The following SLC39A11 variants were observed in gnomAD, a reference collection of about 807,000 sequenced individuals.
SLC39A11 encodes the protein zinc transporter ZIP11.
SLC39A11 carries 33 observed loss-of-function variants against 36.1 expected under a neutral mutation model. That is an observed-to-expected ratio of 0.91 (90% CI 0.69 to 1.22). The LOEUF (loss-of-function observed/expected upper bound fraction) is 1.22. Among genes scored for constraint, SLC39A11 ranks in the 50% most tolerant of loss-of-function variants. The probability of loss-of-function intolerance (pLI) is 0.00; values close to 1 mark genes in which losing one functional copy is unlikely to be tolerated. For missense variants in SLC39A11, 432 were observed against 430.3 expected (o/e 1.00, Z -0.03); for synonymous variants, 166 against 170.3 (o/e 0.97, Z 0.20).
chr17:72,648,874 G>T lies in SLC39A11; in HGVS notation c.858C>A (p.Tyr286Ter), dbSNP rs36041371. 6.8e-6 allele frequency: 11 copies of T among 1,614,148 alleles called. No homozygotes were observed. Among genetic ancestry groups the T allele is most frequent in the Admixed American group, 1.7e-5 (1 of 60,026 alleles). The change falls in exon 9 of 10, where the codon TAC becomes TAA. Residue 286 changes from tyrosine to a stop codon, truncating the protein, a stop_gained. Coordinates refer to ENST00000255559, the MANE Select transcript of SLC39A11 (RefSeq NM_139177.4). LOFTEE classifies it high-confidence loss of function. Reference sequence around the variant, plus strand: ...TGGCACCGGCAGCAAAGGCCAGAGCGTAGGGCAGGATGGGCTCAGCCAGCA... The same window carrying T: ...TGGCACCGGCAGCAAAGGCCAGAGCTTAGGGCAGGATGGGCTCAGCCAGCA... ...AVVLAEPILP[Y>*]ALAFAAGAMV...
chr17:72,876,359 A>G (rs1171562161), intron 5 of SLC39A11, among the ~76,000 whole-genome samples: 1 of 152,276 alleles, frequency 6.6e-6, no homozygotes, highest in South Asian at 2.1e-4. Context: ...CCAAGGAAGC[A>G]TGTTGTTAAG....
chr17:72,694,035 C>T (rs2072168365), intron 7 of SLC39A11, among the ~76,000 whole-genome samples: 1 of 152,128 alleles, frequency 6.6e-6, no homozygotes, highest in African/African-American at 2.4e-5. Flanking sequence ...TCTCCTTGCT[C>T]AGTCTGGGGC....
intron 7 of SLC39A11, among the ~76,000 whole-genome samples, chr17:72,708,837 T>C (rs2072996664): frequency 6.6e-6 from 1 of 152,254 alleles, no homozygotes; most frequent in Admixed American, 6.5e-5. Flanking sequence ...CACTTCCTTT[T>C]CACTTTTGCT....
chr17:72,863,305 T>C (rs186259067), intron 5 of SLC39A11, among the ~76,000 whole-genome samples: 2 of 152,220 alleles, frequency 1.3e-5, no homozygotes, highest in African/African-American at 4.8e-5. Context: ...GGATGACAGA[T>C]TCCATAATCT....
intron 5 of SLC39A11, among the ~76,000 whole-genome samples, chr17:72,903,271 GA>G (rs11450652): frequency 3.7e-4 from 42 of 113,326 alleles, no homozygotes; most frequent in East Asian, 9.9e-4. Flanking sequence ...GTCTCGAAAA[GA>G]AAAAAAAAAA....
intron 6 of SLC39A11, among the ~76,000 whole-genome samples, chr17:72,788,178 C>G (rs1481325957): frequency 6.6e-6 from 1 of 152,228 alleles, no homozygotes; most frequent in Non-Finnish European, 1.5e-5. Context: ...CCTTTCCCCA[C>G]TGGTTAGGCC....
At chr17:72,791,204 C>T (rs2145071006) in intron 6 of SLC39A11, among the ~76,000 whole-genome samples, 1 of 152,284 alleles carries the variant, frequency 6.6e-6, no homozygotes, top group African/African-American at 2.4e-5. Context: ...CCTGGATTCC[C>T]AACACTTCGG....
At chr17:72,711,087 C>T (rs764607451) in intron 7 of SLC39A11, among the ~76,000 whole-genome samples, 2 of 152,182 alleles carry the variant, frequency 1.3e-5, no homozygotes, top group African/African-American at 2.4e-5. Flanking sequence ...ACCTTTGCAG[C>T]CTCTCCCTTT....
chr17:72,898,916 G>C (rs572993267), intron 5 of SLC39A11, among the ~76,000 whole-genome samples: 1 of 152,324 alleles, frequency 6.6e-6, no homozygotes, highest in Non-Finnish European at 1.5e-5. Flanking sequence ...TCTTGCTGGA[G>C]CAGGAGGAGA....
chr17:72,805,397 G>A (rs1217217705), intron 6 of SLC39A11, among the ~76,000 whole-genome samples: 5 of 152,212 alleles, frequency 3.3e-5, no homozygotes, highest in Non-Finnish European at 7.3e-5. Context: ...GGCTAAGCAT[G>A]AGGGAGATTG....
chr17:72,929,737 G>A (rs550575088), intron 5 of SLC39A11, among the ~76,000 whole-genome samples: 3 of 152,162 alleles, frequency 2.0e-5, no homozygotes, highest in East Asian at 3.9e-4. Context: ...GTTGTGCCCC[G>A]GGGGTCTTGC....
At chr17:73,078,767 G>T (rs1599180699) in intron 3 of SLC39A11, among the ~76,000 whole-genome samples, 1 of 152,084 alleles carries the variant, frequency 6.6e-6, no homozygotes. Context: ...AAAGTGCTGG[G>T]ATTAGCAGGT....
At chr17:72,994,252 T>A (rs2089361659) in intron 4 of SLC39A11, among the ~76,000 whole-genome samples, 1 of 152,194 alleles carries the variant, frequency 6.6e-6, no homozygotes. Flanking sequence ...CAAAAGGAAT[T>A]AACAAGAGCT....
At chr17:72,651,833 C>A (rs569923973) in intron 7 of SLC39A11, among the ~76,000 whole-genome samples, 1 of 152,108 alleles carries the variant, frequency 6.6e-6, no homozygotes, top group Non-Finnish European at 1.5e-5. Flanking sequence ...AGTGGACAGA[C>A]AAGAAGACAC....
intron 7 of SLC39A11, among the ~76,000 whole-genome samples, chr17:72,717,706 A>G (rs2073466143): frequency 6.6e-6 from 1 of 152,184 alleles, no homozygotes; most frequent in African/African-American, 2.4e-5. Context: ...CCGCCAAATA[A>G]GGTTACAGTC....
chr17:72,698,150 G>A (rs982955009), intron 7 of SLC39A11, among the ~76,000 whole-genome samples: 1 of 152,096 alleles, frequency 6.6e-6, no homozygotes, highest in African/African-American at 2.4e-5. Context: ...GTGTCTCCAC[G>A]TCTACTTTTA....
At chr17:72,662,407 G>C (rs550067243) in intron 7 of SLC39A11, among the ~76,000 whole-genome samples, 3 of 104,204 alleles carry the variant, frequency 2.9e-5, no homozygotes, top group East Asian at 5.3e-4. Flanking sequence ...AAGGAGGGAA[G>C]AAAGAAAAAG....
chr17:72,702,050 G>A (rs536343281), intron 7 of SLC39A11, among the ~76,000 whole-genome samples: 2 of 46,574 alleles, frequency 4.3e-5, no homozygotes, highest in South Asian at 1.2e-3. Flanking sequence ...AGGCTGCAGT[G>A]AGCTGTGATC....
intron 6 of SLC39A11, among the ~76,000 whole-genome samples, chr17:72,750,893 T>C (rs1272376379): frequency 6.6e-6 from 1 of 152,196 alleles, no homozygotes; most frequent in African/African-American, 2.4e-5. Context: ...CGTGTGGTCA[T>C]GGCCTTGTTG....
Sources: allele counts gnomAD v4.1 joint callset (sites outside exome capture counted in the v4.1 genomes callset), GRCh38; gene constraint gnomAD v4.1.1; transcripts MANE v1.5; gene names NCBI Gene and HGNC (gene_info 2026-07-23, HGNC 2026-07-21).